The following MYO16 variants were observed in gnomAD, a reference collection of about 807,000 sequenced individuals.
MYO16 encodes unconventional myosin-XVI.
MYO16 carries 94 observed loss-of-function variants against 205.3 expected under a neutral mutation model. That is an observed-to-expected ratio of 0.46 (90% CI 0.39 to 0.54). The LOEUF (loss-of-function observed/expected upper bound fraction) is 0.54. MYO16 is among the 20% of genes least tolerant of loss of function. The pLI, the probability that MYO16 is intolerant of heterozygous loss-of-function variation, is 0.00. For synonymous variants in MYO16, 988 were observed against 954.0 expected (o/e 1.04, Z -0.66); for missense variants, 2,315 against 2,387.5 (o/e 0.97, Z 0.63).
At chr13:109,049,926 C>CTG (rs35960970) in intron 24 of MYO16, among the ~76,000 whole-genome samples, 4,393 of 105,842 alleles carry the variant, frequency 0.042, 101 homozygotes, top group Middle Eastern at 0.068. Context: ...TTCCTTTGTC[C>CTG]TGTGTGTGTG....
chr13:108,928,832 A>T (rs922644090), intron 16 of MYO16, among the ~76,000 whole-genome samples: 1 of 152,226 alleles, frequency 6.6e-6, no homozygotes, highest in Non-Finnish European at 1.5e-5. Flanking sequence ...TTCATATCAA[A>T]CTATATTTCA....
intron 27 of MYO16, among the ~76,000 whole-genome samples, chr13:109,094,632 T>C (rs1211710242): frequency 6.6e-6 from 1 of 152,220 alleles, no homozygotes; most frequent in Admixed American, 6.5e-5. Flanking sequence ...CCTATCAACC[T>C]GTCATCTACA....
intron 9 of MYO16, among the ~76,000 whole-genome samples, chr13:108,831,532 G>A (rs557749205): frequency 1.3e-5 from 2 of 152,164 alleles, no homozygotes; most frequent in Non-Finnish European, 2.9e-5. Flanking sequence ...CTTTTTTCCA[G>A]ACAGAGTTTC....
the MYO16 span, among the ~76,000 whole-genome samples, chr13:108,524,678 A>G: frequency 3.3e-5 from 5 of 152,108 alleles, no homozygotes; most frequent in African/African-American, 1.2e-4. Flanking sequence ...CCTTTGCCTT[A>G]CCTCACCAGT....
chr13:108,607,624 A>G (rs187581112), intron 1 of MYO16, among the ~76,000 whole-genome samples: 2 of 152,282 alleles, frequency 1.3e-5, no homozygotes, highest in East Asian at 3.9e-4. Flanking sequence ...AGTCTTGGGT[A>G]TGTCTTCATA....
the MYO16 span, among the ~76,000 whole-genome samples, chr13:108,546,488 C>T: frequency 6.6e-5 from 10 of 152,132 alleles, no homozygotes; most frequent in Admixed American, 2.0e-4. Flanking sequence ...ATTTCTCTCT[C>T]CCCATGACAC....
At chr13:108,671,564 A>G (rs368752778) in intron 2 of MYO16, among the ~76,000 whole-genome samples, 29 of 152,328 alleles carry the variant, frequency 1.9e-4, no homozygotes, top group African/African-American at 5.8e-4. Flanking sequence ...CTAGAACTCA[A>G]TGAAAGAGTC....
chr13:108,802,941 T>A (rs1887010165), intron 6 of MYO16, among the ~76,000 whole-genome samples: 1 of 152,316 alleles, frequency 6.6e-6, no homozygotes, highest in Admixed American at 6.5e-5. Flanking sequence ...GTTATTCAGC[T>A]GTTTGAGGGG....
intron 33 of MYO16, among the ~76,000 whole-genome samples, chr13:109,170,120 T>C (rs1258901294): frequency 4.2e-5 from 1 of 24,014 alleles, no homozygotes; most frequent in East Asian, 1.2e-3. Flanking sequence ...GTTTTAACCA[T>C]AAAGAAAAAA....
At position 109,207,935 on chromosome 13, in the gene MYO16, T is replaced by G. The variant is rs1880674603; in HGVS notation, c.*1099T>G. On this transcript the variant is annotated 3_prime_UTR_variant, in exon 35 of 35. Coordinates refer to ENST00000457511, the MANE Select transcript of MYO16 (RefSeq NM_001198950.3). Reference sequence around the variant, plus strand: ...CTCCAGACCACCTTGTCTTGCTACTTGGAACTTTTTATTCATACCAGCCTT... The same window carrying G: ...CTCCAGACCACCTTGTCTTGCTACTGGGAACTTTTTATTCATACCAGCCTT... 6.6e-6 allele frequency: 1 copy of G among 152,260 alleles called. No homozygotes were observed. Among genetic ancestry groups the G allele is most frequent in the Non-Finnish European group, 1.5e-5 (1 of 68,056 alleles). The allele number at this position is 152,260 out of a possible 1,614,324, so 9.4% of individuals were successfully genotyped here.
chr13:108,518,553 ATTT>A, the MYO16 span, among the ~76,000 whole-genome samples: 1 of 152,194 alleles, frequency 6.6e-6, no homozygotes, highest in Non-Finnish European at 1.5e-5. Context: ...CACTGGAAGC[ATTT>A]TTAAACTTTT....
At chr13:108,579,601 C>T in the MYO16 span, among the ~76,000 whole-genome samples, 9 of 151,876 alleles carry the variant, frequency 5.9e-5, no homozygotes, top group Non-Finnish European at 1.0e-4. Context: ...CCATCACATC[C>T]GGCTAATTTT....
intron 16 of MYO16, among the ~76,000 whole-genome samples, chr13:108,918,197 A>G (rs1881584686): frequency 6.6e-6 from 1 of 152,246 alleles, no homozygotes; most frequent in Non-Finnish European, 1.5e-5. Context: ...ATTTTGGATG[A>G]TAGTAGCATA....
At chr13:108,589,980 T>C in the MYO16 span, among the ~76,000 whole-genome samples, 8 of 152,220 alleles carry the variant, frequency 5.3e-5, no homozygotes, top group African/African-American at 1.9e-4. Flanking sequence ...ACTTTCCTCT[T>C]TAACCCTTTG....
At chr13:108,496,014 G>A in the MYO16 span, among the ~76,000 whole-genome samples, 1 of 152,170 alleles carries the variant, frequency 6.6e-6, no homozygotes, top group Non-Finnish European at 1.5e-5. Context: ...GCGGGGCGCA[G>A]AGGCTGTTCT....
intron 27 of MYO16, among the ~76,000 whole-genome samples, chr13:109,090,957 G>T (rs1333053657): frequency 6.6e-6 from 1 of 151,826 alleles, no homozygotes; most frequent in Non-Finnish European, 1.5e-5. Context: ...ACTTCTCTCT[G>T]TTTTCTTGAT....
At chr13:109,069,189 A>G (rs1181861573) in intron 27 of MYO16, among the ~76,000 whole-genome samples, 6 of 152,230 alleles carry the variant, frequency 3.9e-5, no homozygotes, top group Non-Finnish European at 1.5e-5. Flanking sequence ...GTGAGAAAGG[A>G]AAGTTCAAAG....
intron 27 of MYO16, chr13:109,056,115 T>C (rs1887411350): frequency 6.5e-6 from 1 of 154,248 alleles, no homozygotes; most frequent in East Asian, 1.9e-4. Context: ...AGATAGACAG[T>C]GTGCCATGGT....
chr13:109,067,251 C>T (rs976687980), intron 27 of MYO16, among the ~76,000 whole-genome samples: 4 of 152,166 alleles, frequency 2.6e-5, no homozygotes, highest in East Asian at 1.9e-4. Context: ...TAATATTTGC[C>T]ATAGCTTTGA....
Sources: allele counts gnomAD v4.1 joint callset (sites outside exome capture counted in the v4.1 genomes callset), GRCh38; gene constraint gnomAD v4.1.1; transcripts MANE v1.5; gene names NCBI Gene and HGNC (gene_info 2026-07-23, HGNC 2026-07-21).